The following CEP128 variants were observed in gnomAD, a reference collection of about 807,000 sequenced individuals.
The protein encoded by CEP128 is centrosomal protein 128.
Under a neutral mutation model 156.7 loss-of-function variants are expected in CEP128, and 132 were observed. The observed-to-expected ratio is 0.84, with a 90% CI of 0.73 to 0.97. The LOEUF (loss-of-function observed/expected upper bound fraction) is 0.97. Ranked by LOEUF, CEP128 falls within the 50% of genes least tolerant of loss-of-function variation. CEP128 has a pLI of 0.00. For synonymous variants in CEP128, 469 were observed against 448.9 expected (o/e 1.04, Z -0.57); for missense variants, 1,252 against 1,281.9 (o/e 0.98, Z 0.36).
chr14:80,566,776 A>C (rs1017199819), intron 20 of CEP128, among the ~76,000 whole-genome samples: 11 of 151,866 alleles, frequency 7.2e-5, no homozygotes, highest in Admixed American at 6.6e-4. Context: ...ATTTCTGTTC[A>C]TTCATTTCAC....
intron 9 of CEP128, among the ~76,000 whole-genome samples, chr14:80,852,991 T>C (rs1484322897): frequency 1.3e-5 from 2 of 152,060 alleles, no homozygotes; most frequent in African/African-American, 4.8e-5. Context: ...TCAACATCTA[T>C]TGATGGAATC....
chr14:80,573,561 GATTAAT>G lies in CEP128; in HGVS notation c.2856+6807_2856+6812del, dbSNP rs201049775. ...AAGTTTTATACTGTCATAAATTTGG[GATTAAT>G]ATTAAGTTGCAAATTTCAGGTAAAA... On this transcript the variant is annotated intron_variant, in intron 20 of 24. Coordinates refer to ENST00000555265, the MANE Select transcript of CEP128 (RefSeq NM_152446.5). 6.6e-4 allele frequency among the ~76,000 whole-genome samples: 101 copies of G among 152,252 alleles called. 1 individual carries two copies. The East Asian group carries it at 7.3e-3, about 11-fold the overall frequency.
At chr14:80,495,135 C>T (rs1887449231), downstream of CEP128, among the ~76,000 whole-genome samples, 1 of 152,178 alleles carries the variant, frequency 6.6e-6, no homozygotes, top group Non-Finnish European at 1.5e-5. Flanking sequence ...GTTTATCCTT[C>T]CCAATGTCCC....
intron 13 of CEP128, among the ~76,000 whole-genome samples, chr14:80,803,981 T>C (rs1429967111): frequency 2.6e-5 from 4 of 152,106 alleles, no homozygotes; most frequent in South Asian, 2.1e-4. Context: ...ACAATAGTTG[T>C]AGATTTACAG....
chr14:80,937,407 T>A (rs1885869593), intron 2 of CEP128, among the ~76,000 whole-genome samples: 1 of 152,266 alleles, frequency 6.6e-6, no homozygotes, highest in East Asian at 1.9e-4. Flanking sequence ...TTATATATAT[T>A]TTATGTATAG....
chr14:80,578,088 T>G (rs141794029), intron 20 of CEP128, among the ~76,000 whole-genome samples: 1 of 152,330 alleles, frequency 6.6e-6, no homozygotes, highest in East Asian at 1.9e-4. Context: ...GGACAGATGT[T>G]CTTATATGTT....
intron 14 of CEP128, among the ~76,000 whole-genome samples, chr14:80,483,397 T>A (rs1566732938): frequency 6.6e-6 from 1 of 152,242 alleles, no homozygotes; most frequent in Non-Finnish European, 1.5e-5. Flanking sequence ...ATCAGCATAT[T>A]TCATGCTCAG....
intron 21 of CEP128, among the ~76,000 whole-genome samples, chr14:80,554,138 A>AC (rs1890331543): frequency 1.3e-5 from 2 of 152,126 alleles, no homozygotes; most frequent in Non-Finnish European, 2.9e-5. Flanking sequence ...ATTTCTCTCT[A>AC]ATCTGTCACT....
intron 19 of CEP128, among the ~76,000 whole-genome samples, chr14:80,739,436 C>T (rs1257174837): frequency 6.6e-6 from 1 of 152,096 alleles, no homozygotes; most frequent in Non-Finnish European, 1.5e-5. Context: ...TGACCTCATC[C>T]ACCCGTATCT....
At chr14:80,764,435 C>T (rs1412401675) in intron 16 of CEP128, among the ~76,000 whole-genome samples, 1 of 151,426 alleles carries the variant, frequency 6.6e-6, no homozygotes, top group Non-Finnish European at 1.5e-5. Context: ...GGAAGCAGAG[C>T]TTGCAGTGAG....
At chr14:80,957,244 T>G (rs1372772684) in intron 2 of CEP128, among the ~76,000 whole-genome samples, 1 of 152,046 alleles carries the variant, frequency 6.6e-6, no homozygotes, top group African/African-American at 2.4e-5. Context: ...GCAGGAAGCT[T>G]CTCCTGACCC....
chr14:80,792,787 A>C lies in CEP128; in HGVS notation c.1533T>G (p.Val511=), dbSNP rs770722741. 4 of 1,614,088 alleles carry C rather than the reference A, an allele frequency of 2.5e-6. No homozygotes were observed. The highest frequency in any genetic ancestry group is 3.4e-6 in the Non-Finnish European group (4 of 1,179,976). The change falls in exon 14 of 25, where the codon GTT becomes GTG. Residue 511 remains valine (V), a synonymous_variant. Coordinates refer to ENST00000555265, the MANE Select transcript of CEP128 (RefSeq NM_152446.5). The part of the protein sequence containing the change: ...ERALEKQSET[V]DELTGKNNQI... The stretch of plus-strand genomic sequence containing the variant: ...GATTATTCTTGCCTGTCAGTTCATC[A>C]ACAGTTTCAGATTGTTTCTCCAACG...
At chr14:80,850,685 A>G (rs891873873) in intron 9 of CEP128, among the ~76,000 whole-genome samples, 2 of 152,182 alleles carry the variant, frequency 1.3e-5, no homozygotes, top group Admixed American at 6.5e-5. Flanking sequence ...CACTTTATTC[A>G]CGCTCACACA....
intron 23 of CEP128, among the ~76,000 whole-genome samples, chr14:80,515,119 TGAGGGA>T (rs1888429512): frequency 6.6e-6 from 1 of 152,148 alleles, no homozygotes; most frequent in South Asian, 2.1e-4. Context: ...TGCCTGGAGA[TGAGGGA>T]GAGGTGATAG....
intron 19 of CEP128, among the ~76,000 whole-genome samples, chr14:80,596,033 A>G (rs1892300766): frequency 6.8e-6 from 1 of 146,244 alleles, no homozygotes; most frequent in Non-Finnish European, 1.5e-5. Context: ...GTGGGGACAG[A>G]GCCAAACCAT....
At chr14:80,799,099 C>A (rs1242507176) in intron 13 of CEP128, among the ~76,000 whole-genome samples, 2 of 152,176 alleles carry the variant, frequency 1.3e-5, no homozygotes, top group Admixed American at 6.5e-5. Context: ...GAATGAGTCA[C>A]TCAGGCTTGT....
chr14:80,925,754 A>G (rs1885108940), intron 2 of CEP128, among the ~76,000 whole-genome samples: 2 of 152,178 alleles, frequency 1.3e-5, no homozygotes, highest in Non-Finnish European at 2.9e-5. Flanking sequence ...AAACCCTTTG[A>G]AAGAAGCAGT....
At chr14:80,673,760 A>ATATGAAC (rs1895952070) in intron 19 of CEP128, among the ~76,000 whole-genome samples, 1 of 149,882 alleles carries the variant, frequency 6.7e-6, no homozygotes, top group African/African-American at 2.4e-5. Flanking sequence ...CTTGAAGGAG[A>ATATGAAC]TATGAACGCC....
At chr14:80,478,346 G>T (rs1886986169) in exon 15 of CEP128, 1 of 152,058 alleles carries the variant, frequency 6.6e-6, no homozygotes, top group Non-Finnish European at 1.5e-5. Context: ...TTTAAGCAGT[G>T]TAGTGTGGTT....
Sources: gnomAD v4.1 joint callset for allele counts (sites outside exome capture counted in the v4.1 genomes callset) on GRCh38, gnomAD v4.1.1 for gene constraint, MANE v1.5 for transcripts, NCBI Gene and HGNC (gene_info 2026-07-23, HGNC 2026-07-21) for gene names.